Variants in PAK5 observed in about 807,000 individuals in gnomAD.
PAK5 encodes serine/threonine-protein kinase PAK 5.
In PAK5, 16 loss-of-function variants were observed where a neutral mutation model predicts 65.9. The observed-to-expected ratio is 0.24, with a 90% CI of 0.16 to 0.37. The LOEUF is 0.37. PAK5 is among the 10% of genes least tolerant of loss of function. PAK5 has a pLI of 1.00. For missense variants in PAK5, 785 were observed against 903.9 expected, an observed-to-expected ratio of 0.87 and a Z score of 1.69; for synonymous variants, 371 against 354.9, an observed-to-expected ratio of 1.05 and a Z score of -0.51.
chr20:9,812,288 C>CA lies in PAK5; in HGVS notation c.-162+26473dup, dbSNP rs921265782. On this transcript the variant is annotated intron_variant, in intron 1 of 9. Transcript: ENST00000353224. ...TTTTTGAATTTCATAAGCTCAATAA[C>CA]AAAAAAAAAACGATGTTTAAAATCA... Among the ~76,000 whole-genome samples the CA allele has an allele frequency of 3.1e-3, 437 of 141,920 alleles. 6 individuals are homozygous for CA. Among genetic ancestry groups the CA allele is most frequent in the Middle Eastern group, 0.021 (6 of 288 alleles). 93.1% of individuals were successfully genotyped at this position (141,920 alleles called of 152,430 possible).
intron 2 of PAK5, among the ~76,000 whole-genome samples, chr20:9,653,500 A>G (rs2047226884): frequency 6.6e-6 from 1 of 152,186 alleles, no homozygotes; most frequent in African/African-American, 2.4e-5. Flanking sequence ...TCTTTCCTAC[A>G]TATCTCAATC....
intron 3 of PAK5, among the ~76,000 whole-genome samples, chr20:9,593,578 C>G (rs924967663): frequency 6.6e-6 from 1 of 152,166 alleles, no homozygotes; most frequent in Non-Finnish European, 1.5e-5. Context: ...TCTTGACCCC[C>G]ACTCCCCGGA....
chr20:9,656,338 A>G (rs2047267665), intron 2 of PAK5, among the ~76,000 whole-genome samples: 1 of 152,066 alleles, frequency 6.6e-6, no homozygotes, highest in Admixed American at 6.6e-5. Flanking sequence ...GGCTTCTAAC[A>G]AGCAGACAGC....
chr20:9,712,461 A>T (rs904835562), intron 1 of PAK5, among the ~76,000 whole-genome samples: 4 of 152,190 alleles, frequency 2.6e-5, no homozygotes, highest in African/African-American at 9.6e-5. Context: ...AAAAAGACAA[A>T]TTCCAGCAAT....
intron 3 of PAK5, among the ~76,000 whole-genome samples, chr20:9,615,932 C>T (rs1165702381): frequency 6.6e-6 from 1 of 152,150 alleles, no homozygotes; most frequent in Non-Finnish European, 1.5e-5. Flanking sequence ...CATGCTGCCC[C>T]CACAGCAAGC....
chr20:9,758,256 T>C (rs1014546728), intron 1 of PAK5, among the ~76,000 whole-genome samples: 4 of 152,180 alleles, frequency 2.6e-5, no homozygotes, highest in Admixed American at 2.6e-4. Flanking sequence ...TCTAGCCTTA[T>C]GCTTTGTGGT....
At position 9,793,167 on chromosome 20, in the gene PAK5, C is replaced by G. The variant is rs142377787; in HGVS notation, c.-162+45595G>C. Among the ~76,000 whole-genome samples the G allele has an allele frequency of 1.2e-4, 18 of 152,206 alleles. 1 individual carries two copies. In the East Asian group the frequency reaches 2.3e-3, roughly 20 times the overall value. The stretch of plus-strand genomic sequence containing the variant: ...GTTCTTTCTTTGGAGCTGACTTTAT[C>G]CATTTATTCACCCATCATTTAAGCA... On this transcript the variant is annotated intron_variant, in intron 1 of 9. Coordinates refer to ENST00000353224, the MANE Select transcript of PAK5 (RefSeq NM_177990.4).
chr20:9,735,284 G>A (rs985896257), intron 1 of PAK5, among the ~76,000 whole-genome samples: 3 of 152,104 alleles, frequency 2.0e-5, no homozygotes, highest in Non-Finnish European at 4.4e-5. Context: ...GACTGGGGTA[G>A]GGGGAAAGTG....
rs200394446 is a variant in PAK5 at position 9,730,013 on chromosome 20, AAG to A, written c.-161-18580_-161-18579del. ...GGCAACAGGGAAAAAAAAAAAAAAA[AAG>A]AGAGAGAGAGAGAGAGAATTGTCTC... is the stretch of plus-strand genomic sequence containing the variant. On this transcript the variant is annotated intron_variant, in intron 1 of 9. Transcript: ENST00000353224. 5.9e-3 allele frequency among the ~76,000 whole-genome samples: 773 copies of A among 131,354 alleles called. 65 individuals carry two copies. Among genetic ancestry groups the A allele is most frequent in the Middle Eastern group, 0.013 (3 of 228 alleles). The allele number at this position is 131,354 out of a possible 152,430, so 86.2% of individuals were successfully genotyped here.
chr20:9,608,549 T>C (rs928366), intron 3 of PAK5, among the ~76,000 whole-genome samples: 28,616 of 152,208 alleles, frequency 0.19, 2,859 homozygotes, highest in East Asian at 0.29. Context: ...TGATCTCAAG[T>C]GATGTCTTTT....
rs1477178886 is a variant in PAK5 at position 9,676,124 on chromosome 20, A to C, written c.-11-31785T>G. Among the ~76,000 whole-genome samples, 4 of 152,128 alleles carry C rather than the reference A, an allele frequency of 2.6e-5. No individual in the cohort carries two copies. The East Asian group carries it at 5.8e-4, about 22-fold the overall frequency. Reference sequence around the variant, plus strand: ...CATCTTACATGGATGGCAGCAAGTGAAAAAAGCATGTGCAGGAAAACTCCC... The same window carrying C: ...CATCTTACATGGATGGCAGCAAGTGCAAAAAGCATGTGCAGGAAAACTCCC... On this transcript the variant is annotated intron_variant, in intron 2 of 9. Coordinates refer to ENST00000353224, the MANE Select transcript of PAK5 (RefSeq NM_177990.4).
chr20:9,639,105 C>A (rs1157868908), intron 3 of PAK5, among the ~76,000 whole-genome samples: 1 of 152,114 alleles, frequency 6.6e-6, no homozygotes, highest in African/African-American at 2.4e-5. Context: ...ATTTCAAGGA[C>A]TTTTTTGACT....
intron 3 of PAK5, among the ~76,000 whole-genome samples, chr20:9,631,574 G>C (rs915359226): frequency 6.6e-6 from 1 of 152,140 alleles, no homozygotes; most frequent in Non-Finnish European, 1.5e-5. Context: ...AAGCCCAGCT[G>C]GCCCCCTAAT....
At chr20:9,694,782 AAGTTCATTTTACTGTTG>A (rs2047846199) in intron 2 of PAK5, among the ~76,000 whole-genome samples, 1 of 151,994 alleles carries the variant, frequency 6.6e-6, no homozygotes, top group African/African-American at 2.4e-5. Flanking sequence ...CATAATTTGT[AAGTTCATTTTACTGTTG>A]ATGGACACTT....
intron 6 of PAK5, among the ~76,000 whole-genome samples, chr20:9,561,922 G>A (rs776403434): frequency 2.0e-5 from 3 of 152,152 alleles, no homozygotes; most frequent in Admixed American, 6.6e-5. Context: ...AAAGTTTGCC[G>A]TAAATGCAGA....
At chr20:9,718,399 C>G (rs1001706615) in intron 1 of PAK5, among the ~76,000 whole-genome samples, 1 of 152,044 alleles carries the variant, frequency 6.6e-6, no homozygotes, top group African/African-American at 2.4e-5. Flanking sequence ...ATTACTCACC[C>G]TTTCATCCAC....
chr20:9,697,158 C>T (rs961011195), intron 2 of PAK5, among the ~76,000 whole-genome samples: 1 of 152,030 alleles, frequency 6.6e-6, no homozygotes. Context: ...AGAGAAGGTG[C>T]AGATTTTAAG....
intron 3 of PAK5, among the ~76,000 whole-genome samples, chr20:9,635,861 C>T (rs573255160): frequency 6.6e-6 from 1 of 152,272 alleles, no homozygotes; most frequent in South Asian, 2.1e-4. Context: ...TAAGAAGAGA[C>T]CTGTTAAGGG....
chr20:9,628,660 ATC>A (rs2046879974), intron 3 of PAK5, among the ~76,000 whole-genome samples: 1 of 152,182 alleles, frequency 6.6e-6, no homozygotes. Flanking sequence ...CACAATAAAC[ATC>A]TGTTAAGGAA....
Sources: allele counts gnomAD v4.1 joint callset (sites outside exome capture counted in the v4.1 genomes callset), GRCh38; gene constraint gnomAD v4.1.1; transcripts MANE v1.5; gene names NCBI Gene and HGNC (gene_info 2026-07-23, HGNC 2026-07-21).